The following MTFR1 variants were observed in gnomAD, a reference collection of about 807,000 sequenced individuals.
MTFR1 encodes chondrocyte protein with a poly-proline region.
In MTFR1, 28 loss-of-function variants were observed where a neutral mutation model predicts 38.8. The observed-to-expected ratio is 0.72, with a 90% CI of 0.53 to 0.99. The LOEUF is 0.99. Among genes scored for constraint, MTFR1 ranks in the 50% least tolerant of loss-of-function variants. The pLI, the probability that MTFR1 is intolerant of heterozygous loss-of-function variation, is 0.00. For synonymous variants in MTFR1, 145 were observed against 137.0 expected (o/e 1.06, Z -0.41); for missense variants, 358 against 395.5 (o/e 0.91, Z 0.81).
At chr8:65,761,391 T>C (rs910225368) in intron 3 of MTFR1, among the ~76,000 whole-genome samples, 1 of 151,592 alleles carries the variant, frequency 6.6e-6, no homozygotes, top group Non-Finnish European at 1.5e-5. Context: ...ATGAGCTCAC[T>C]GTGACATGAG....
At chr8:65,682,748 A>G (rs914596124) in intron 3 of MTFR1, 4 of 984,808 alleles carry the variant, frequency 4.1e-6, no homozygotes, top group Non-Finnish European at 4.8e-6. Flanking sequence ...TAGGCTTTAT[A>G]TTATTCCAGG....
chr8:65,746,900 T>C (rs930206782), intron 3 of MTFR1, among the ~76,000 whole-genome samples: 1 of 152,204 alleles, frequency 6.6e-6, no homozygotes, highest in Non-Finnish European at 1.5e-5. Context: ...TAAAAACTTA[T>C]CTACACAAAC....
intron 3 of MTFR1, among the ~76,000 whole-genome samples, chr8:65,742,165 G>GT (rs1415411339): frequency 2.6e-5 from 4 of 152,176 alleles, no homozygotes; most frequent in Non-Finnish European, 5.9e-5. Flanking sequence ...AAAGAAAATT[G>GT]TATTTTTAGA....
intron 2 of MTFR1, among the ~76,000 whole-genome samples, chr8:65,673,606 A>T (rs911013321): frequency 7.3e-5 from 7 of 96,530 alleles, no homozygotes; most frequent in African/African-American, 1.4e-4. Context: ...AAGTATAATT[A>T]AAAAAAAAAA....
At chr8:65,646,196 T>C (rs1341652515) in intron 1 of MTFR1, among the ~76,000 whole-genome samples, 2 of 152,228 alleles carry the variant, frequency 1.3e-5, no homozygotes, top group Non-Finnish European at 2.9e-5. Context: ...ATTTAATTTT[T>C]GCAATAACCC....
intron 4 of MTFR1, among the ~76,000 whole-genome samples, chr8:65,694,081 T>C (rs1805361803): frequency 6.7e-6 from 1 of 150,166 alleles, no homozygotes; most frequent in African/African-American, 2.4e-5. Flanking sequence ...TCTTTTTTTT[T>C]TTTTTTTTTT....
chr8:65,751,170 T>C (rs1807935931), intron 3 of MTFR1, among the ~76,000 whole-genome samples: 2 of 152,198 alleles, frequency 1.3e-5, no homozygotes, highest in African/African-American at 4.8e-5. Context: ...CGTAACAAGA[T>C]TATATTCTGG....
intron 3 of MTFR1, chr8:65,723,230 C>G (rs1806462425): frequency 5.9e-6 from 1 of 169,788 alleles, no homozygotes; most frequent in Non-Finnish European, 1.2e-5. Context: ...GTTTACCTAT[C>G]CTTTTTTAAA....
intron 2 of MTFR1, among the ~76,000 whole-genome samples, chr8:65,671,829 T>G (rs1804574570): frequency 6.6e-6 from 1 of 152,228 alleles, no homozygotes; most frequent in African/African-American, 2.4e-5. Context: ...CTGTAAGAAT[T>G]GCTACTGCTA....
chr8:65,708,304 T>G, intron 7 of MTFR1: 1 of 459,498 alleles, frequency 2.2e-6, no homozygotes, highest in African/African-American at 2.0e-5. Context: ...CTGAGCTCAC[T>G]ACTAAGTAAT....
intron 3 of MTFR1, among the ~76,000 whole-genome samples, chr8:65,761,309 C>G (rs1190706711): frequency 6.6e-6 from 1 of 152,220 alleles, no homozygotes; most frequent in Non-Finnish European, 1.5e-5. Context: ...CGTGATCCAC[C>G]TGCCTTGGCC....
intron 2 of MTFR1, chr8:65,718,134 A>AG (rs1183976690): frequency 6.6e-6 from 1 of 152,256 alleles, no homozygotes; most frequent in Non-Finnish European, 1.5e-5. Context: ...CAACTGGAGC[A>AG]ATCTGTTACA....
chr8:65,734,975 C>T (rs2128897678), intron 3 of MTFR1: 1 of 854,922 alleles, frequency 1.2e-6, no homozygotes. Context: ...TTATGAGTTA[C>T]CCACTCATAC....
In MTFR1 at chr8:65,666,146, C is replaced by T. The variant is rs539941779; in HGVS notation, c.-80-3727C>T. Among the ~76,000 whole-genome samples the T allele has an allele frequency of 3.9e-5, 6 of 152,340 alleles. No individual in the cohort carries two copies. In the South Asian group the frequency reaches 1.0e-3, roughly 26 times the overall value. On this transcript the variant is annotated intron_variant, in intron 1 of 7. Transcript: ENST00000262146. ...ACCCAGCTGGGCACAGTGCCTCAGG[C>T]CTGTAATCCCAGCACTTTGGGAGGC... is the stretch of plus-strand genomic sequence containing the variant.
At chr8:65,759,579 A>G (rs758910736) in intron 3 of MTFR1, among the ~76,000 whole-genome samples, 8 of 152,218 alleles carry the variant, frequency 5.3e-5, no homozygotes, top group Non-Finnish European at 8.8e-5. Context: ...CTAAGTGTCC[A>G]ATCAGGGCCC....
intron 1 of MTFR1, among the ~76,000 whole-genome samples, chr8:65,661,560 C>CG (rs1563435383): frequency 6.6e-6 from 1 of 151,918 alleles, no homozygotes; most frequent in Non-Finnish European, 1.5e-5. Flanking sequence ...GAACCTGGGA[C>CG]GGGGGTTGCA....
chr8:65,664,958 C>G (rs945382107), intron 1 of MTFR1, among the ~76,000 whole-genome samples: 1 of 123,944 alleles, frequency 8.1e-6, no homozygotes, highest in Non-Finnish European at 1.6e-5. Context: ...TTTTTTTAGA[C>G]AGAGTCTTGC....
chr8:65,651,034 G>C (rs1032229850), intron 1 of MTFR1, among the ~76,000 whole-genome samples: 2 of 152,088 alleles, frequency 1.3e-5, no homozygotes, highest in Admixed American at 1.3e-4. Flanking sequence ...GTTTTGATTT[G>C]CATTTCTCTG....
chr8:65,752,026 A>G (rs1305733233), intron 3 of MTFR1, among the ~76,000 whole-genome samples: 1 of 152,212 alleles, frequency 6.6e-6, no homozygotes, highest in African/African-American at 2.4e-5. Flanking sequence ...GGGCACTGCT[A>G]CAGTTTTACA....
Sources: allele counts gnomAD v4.1 joint callset (sites outside exome capture counted in the v4.1 genomes callset), GRCh38; gene constraint gnomAD v4.1.1; transcripts MANE v1.5; gene names NCBI Gene and HGNC (gene_info 2026-07-23, HGNC 2026-07-21).